GCNT1: variants seen among roughly 807,000 people sequenced by gnomAD.
GCNT1 encodes the protein glucosaminyl (N-acetyl) transferase 1.
Under a neutral mutation model 26.2 loss-of-function variants are expected in GCNT1, and 16 were observed. The observed-to-expected ratio is 0.61, with a 90% CI of 0.41 to 0.93. The LOEUF (loss-of-function observed/expected upper bound fraction) is 0.93. GCNT1 is among the 40% of genes least tolerant of loss of function. The pLI, the probability that GCNT1 is intolerant of heterozygous loss-of-function variation, is 0.00. For synonymous variants in GCNT1, 183 were observed against 190.8 expected, an observed-to-expected ratio of 0.96 and a Z score of 0.34; for missense variants, 477 against 526.7, an observed-to-expected ratio of 0.91 and a Z score of 0.92.
chr9:76,412,660 A>C, the GCNT1 span, among the ~76,000 whole-genome samples: 3 of 152,126 alleles, frequency 2.0e-5, no homozygotes, highest in African/African-American at 7.2e-5. Flanking sequence ...TAATTTTCTC[A>C]TATTGGAAAC....
At chr9:76,455,554 T>TCC (rs1823744239), upstream of GCNT1, among the ~76,000 whole-genome samples, 1 of 152,054 alleles carries the variant, frequency 6.6e-6, no homozygotes, top group Non-Finnish European at 1.5e-5. Flanking sequence ...TAACACAAAG[T>TCC]ATAGGTCAAG....
At chr9:76,415,062 CT>C (rs112114601), upstream of GCNT1, among the ~76,000 whole-genome samples, 15 of 150,092 alleles carry the variant, frequency 1.0e-4, no homozygotes, top group South Asian at 2.1e-4. Flanking sequence ...TAGCTGTGAA[CT>C]TTTTTTTTTC....
At chr9:76,489,757 C>T (rs1587449195) in intron 2 of GCNT1, among the ~76,000 whole-genome samples, 2 of 152,150 alleles carry the variant, frequency 1.3e-5, no homozygotes, top group South Asian at 2.1e-4. Context: ...CCCCTCTAAA[C>T]AGGACACCCC....
chr9:76,414,368 A>G, the GCNT1 span, among the ~76,000 whole-genome samples: 1 of 152,216 alleles, frequency 6.6e-6, no homozygotes, highest in African/African-American at 2.4e-5. Flanking sequence ...TCCTATCGTT[A>G]CCAGAAAGCA....
At chr9:76,475,855 G>T (rs2131609429) in intron 2 of GCNT1, among the ~76,000 whole-genome samples, 1 of 145,990 alleles carries the variant, frequency 6.8e-6, no homozygotes, top group East Asian at 2.0e-4. Flanking sequence ...TAAGCAACTT[G>T]CGGAAACCAT....
At chr9:76,480,001 T>C (rs1041032750) in intron 2 of GCNT1, among the ~76,000 whole-genome samples, 1 of 152,104 alleles carries the variant, frequency 6.6e-6, no homozygotes, top group Non-Finnish European at 1.5e-5. Flanking sequence ...TAACATTTAA[T>C]TCTTTAATCC....
At chr9:76,480,425 GA>G (rs1485815870) in intron 2 of GCNT1, among the ~76,000 whole-genome samples, 1 of 152,144 alleles carries the variant, frequency 6.6e-6, no homozygotes, top group East Asian at 1.9e-4. Context: ...GAATGGCATT[GA>G]ATCTATAAAT....
At chr9:76,398,538 CTA>C in the GCNT1 span, among the ~76,000 whole-genome samples, 1 of 152,210 alleles carries the variant, frequency 6.6e-6, no homozygotes, top group Non-Finnish European at 1.5e-5. Flanking sequence ...CGTACTTTTA[CTA>C]TGTTATCCAG....
chr9:76,396,506 G>A, the GCNT1 span, among the ~76,000 whole-genome samples: 409 of 151,970 alleles, frequency 2.7e-3, no homozygotes, highest in African/African-American at 9.3e-3. Flanking sequence ...AAAGAAGAAA[G>A]GGGAAAGAAA....
At chr9:76,455,053 G>C (rs994140881), upstream of GCNT1, among the ~76,000 whole-genome samples, 2 of 151,706 alleles carry the variant, frequency 1.3e-5, no homozygotes, top group African/African-American at 4.8e-5. Context: ...TCACCATGTT[G>C]GTCAGGCTGG....
chr9:76,438,229 T>C (rs1325236395), upstream of GCNT1, among the ~76,000 whole-genome samples: 1 of 152,176 alleles, frequency 6.6e-6, no homozygotes, highest in Non-Finnish European at 1.5e-5. Context: ...ATACATGTAA[T>C]ATTTACGTGG....
At position 76,491,856 on chromosome 9, in the gene GCNT1, C is replaced by A. The variant is rs1824746779; in HGVS notation, c.-289-9060C>A. On this transcript the variant is annotated intron_variant, in intron 2 of 3. Coordinates refer to ENST00000376730, the MANE Select transcript of GCNT1 (RefSeq NM_001490.5). ...GCACCGGTCCCTCAAGGAGTAGCGC[C>A]TGGTATCTAAGTAGGCAGTTGTCTG... Among the ~76,000 whole-genome samples, 3 of 152,158 alleles carry A rather than the reference C, an allele frequency of 2.0e-5. No individual in the cohort carries two copies. In the South Asian group the frequency reaches 6.2e-4, roughly 31 times the overall value.
At chr9:76,410,170 G>A in the GCNT1 span, among the ~76,000 whole-genome samples, 1 of 152,118 alleles carries the variant, frequency 6.6e-6, no homozygotes, top group Non-Finnish European at 1.5e-5. Flanking sequence ...GGTGGCTCAT[G>A]CCTGTAATCT....
chr9:76,409,690 C>G, the GCNT1 span, among the ~76,000 whole-genome samples: 7 of 152,298 alleles, frequency 4.6e-5, no homozygotes, highest in African/African-American at 1.7e-4. Flanking sequence ...AGGTGATCCA[C>G]CTGCCTCGAC....
At chr9:76,427,641 A>G (rs1308024296) in intron 1 of GCNT1, among the ~76,000 whole-genome samples, 14 of 152,362 alleles carry the variant, frequency 9.2e-5, no homozygotes, top group Non-Finnish European at 2.1e-4. Context: ...GATGTTTATT[A>G]CAGCATAGTT....
intron 1 of GCNT1, among the ~76,000 whole-genome samples, chr9:76,449,894 A>G (rs1229149493): frequency 2.6e-5 from 4 of 151,762 alleles, no homozygotes; most frequent in African/African-American, 9.7e-5. Context: ...AGTGATTCTC[A>G]TGCCTCAGCC....
chr9:76,398,644 G>A, the GCNT1 span: 7 of 962,986 alleles, frequency 7.3e-6, no homozygotes, highest in East Asian at 7.8e-5. Flanking sequence ...CCTACAGAGG[G>A]GCCCATACGG....
chr9:76,502,581 TAAATGAAATCCAA>T lies in GCNT1; in HGVS notation c.203_215del (p.Asn68ArgfsTer2). 2 of 1,613,982 alleles carry T rather than the reference TAAATGAAATCCAA, an allele frequency of 1.2e-6. No homozygotes were observed. Among genetic ancestry groups the T allele is most frequent in the Non-Finnish European group, 1.7e-6 (2 of 1,179,898 alleles). ...TGCACCAAAGTTTTACAGGGTGATGTAAATGAAATCCAAAAGGTAAAGCTTGAGATCCTAACAG... is the reference window on the plus strand; with the variant it reads ...TGCACCAAAGTTTTACAGGGTGATGTAAGGTAAAGCTTGAGATCCTAACAG... On this transcript the variant is annotated frameshift_variant, in exon 4 of 4. Transcript: ENST00000376730. LOFTEE classifies it high-confidence loss of function.
intron 2 of GCNT1, among the ~76,000 whole-genome samples, chr9:76,483,831 G>A (rs1048847868): frequency 2.0e-5 from 3 of 151,762 alleles, no homozygotes; most frequent in Admixed American, 1.3e-4. Context: ...ACTTTTTGTC[G>A]TGTGTGTGTA....
Sources: allele counts gnomAD v4.1 joint callset (sites outside exome capture counted in the v4.1 genomes callset), GRCh38; gene constraint gnomAD v4.1.1; transcripts MANE v1.5; gene names NCBI Gene and HGNC (gene_info 2026-07-23, HGNC 2026-07-21).